ANO3: variants seen among roughly 807,000 people sequenced by gnomAD.
ANO3 encodes the protein anoctamin 3, also known as anoctamin-3.
A neutral mutation model predicts 144.8 loss-of-function variants in ANO3; 99 were observed. The ratio of observed to expected loss-of-function variants is 0.68; its 90% CI spans 0.58 to 0.81. ANO3 has a LOEUF of 0.81. Ranked by LOEUF, ANO3 falls within the 30% of genes least tolerant of loss-of-function variation. The probability of loss-of-function intolerance (pLI) is 0.00; values close to 1 mark genes in which losing one functional copy is unlikely to be tolerated. For synonymous variants in ANO3, 414 were observed against 392.6 expected, an observed-to-expected ratio of 1.05 and a Z score of -0.64; for missense variants, 905 against 1,202.2, an observed-to-expected ratio of 0.75 and a Z score of 3.66.
At chr11:26,448,616 A>AT (rs1174862763) in intron 3 of ANO3, among the ~76,000 whole-genome samples, 1 of 152,044 alleles carries the variant, frequency 6.6e-6, no homozygotes, top group Non-Finnish European at 1.5e-5. Flanking sequence ...AATTCCCATT[A>AT]TTTTTTCCTA....
chr11:26,433,530 T>A lies in ANO3; in HGVS notation c.47-8388T>A, dbSNP rs146773707. 3.3e-5 allele frequency among the ~76,000 whole-genome samples: 5 copies of A among 152,266 alleles called. No homozygotes were observed. In the East Asian group the frequency reaches 9.7e-4, roughly 29 times the overall value. On this transcript the variant is annotated intron_variant, in intron 1 of 26. Transcript: ENST00000256737. ...AATTCAGTATGGTGTTGGCTGTGGGTTTGTCATAGATGGCTCTTGTTATTT... is the reference window on the plus strand; with the variant it reads ...AATTCAGTATGGTGTTGGCTGTGGGATTGTCATAGATGGCTCTTGTTATTT...
At chr11:26,275,169 A>G (rs1266010845) in intron 1 of ANO3, among the ~76,000 whole-genome samples, 1 of 152,088 alleles carries the variant, frequency 6.6e-6, no homozygotes, top group Non-Finnish European at 1.5e-5. Flanking sequence ...GACCAGCGTT[A>G]TATTTAGAAG....
At chr11:26,260,145 C>G (rs895821221) in intron 1 of ANO3, among the ~76,000 whole-genome samples, 15 of 149,784 alleles carry the variant, frequency 1.0e-4, no homozygotes, top group African/African-American at 3.4e-4. Context: ...AGGGATAATT[C>G]TGGCACAGGC....
At chr11:26,313,229 T>C (rs1182122084) in intron 1 of ANO3, among the ~76,000 whole-genome samples, 1 of 152,232 alleles carries the variant, frequency 6.6e-6, no homozygotes, top group East Asian at 1.9e-4. Flanking sequence ...TTTATTCATT[T>C]ATTGCACCAT....
At chr11:26,406,818 C>G (rs984689134) in intron 1 of ANO3, among the ~76,000 whole-genome samples, 1 of 149,984 alleles carries the variant, frequency 6.7e-6, no homozygotes. Context: ...TCCTTCCTGT[C>G]AAGTTTGTGA....
chr11:26,647,826 C>T lies in ANO3; in HGVS notation c.2546C>T (p.Pro849Leu), dbSNP rs761513894. ...TTTGTTTATGAATACAAATATGGCC[C>T]CTGTGCAAATCATGTAGAACCAAGT... ...PRFVYEYKYG[P>L]CANHVEPSEN... The change falls in exon 24 of 27, where the codon CCC becomes CTC. Residue 849 changes from proline (P) to leucine (L), a missense_variant. Pro to Leu is a moderately conservative substitution (Grantham distance 98, BLOSUM62 -3). Transcript: ENST00000256737. 1.9e-6 allele frequency: 3 copies of T among 1,612,418 alleles called. No individual in the cohort carries two copies. The highest frequency in any genetic ancestry group is 2.5e-6 in the Non-Finnish European group (3 of 1,179,082).
At chr11:26,445,801 C>G (rs1233386720) in intron 3 of ANO3, among the ~76,000 whole-genome samples, 1 of 151,944 alleles carries the variant, frequency 6.6e-6, no homozygotes, top group Non-Finnish European at 1.5e-5. Context: ...AGATGCATAT[C>G]TATGAGTGTT....
At chr11:26,245,016 T>C (rs78482856) in intron 1 of ANO3, among the ~76,000 whole-genome samples, 1,138 of 105,064 alleles carry the variant, frequency 0.011, 21 homozygotes, top group African/African-American at 0.031. Context: ...TGTGTGTGTG[T>C]GTGTGCATGC....
chr11:26,517,060 G>A, intron 6 of ANO3, 133 bp downstream of exon 6: 1 of 473,696 alleles, frequency 2.1e-6, no homozygotes, highest in Non-Finnish European at 3.7e-6. Flanking sequence ...AGTTATTCTG[G>A]ACAGTTTTTT....
In ANO3 at chr11:26,407,805, C is replaced by T. The variant is rs79765760; in HGVS notation, c.47-34113C>T. On this transcript the variant is annotated intron_variant, in intron 1 of 26. Coordinates refer to ENST00000256737, the MANE Select transcript of ANO3 (RefSeq NM_031418.4). ...GCTGCTCCATGCTTTCCTCCATAGCCCCATCTTTGTCCCCTACCCCACTCC... is the reference window on the plus strand; with the variant it reads ...GCTGCTCCATGCTTTCCTCCATAGCTCCATCTTTGTCCCCTACCCCACTCC... Among the ~76,000 whole-genome samples the T allele has an allele frequency of 9.1e-3, 1,379 of 151,858 alleles. 30 individuals carry two copies. Among genetic ancestry groups the T allele is most frequent in the African/African-American group, 0.033 (1,348 of 41,474 alleles).
chr11:26,608,672 G>A (rs73434383), intron 17 of ANO3, among the ~76,000 whole-genome samples: 4,676 of 152,176 alleles, frequency 0.031, 70 homozygotes, highest in African/African-American at 0.042. Flanking sequence ...GAGAGGCCTC[G>A]CCCAGTGAGG....
intron 3 of ANO3, among the ~76,000 whole-genome samples, chr11:26,455,067 C>A (rs886618007): frequency 1.3e-5 from 2 of 151,878 alleles, no homozygotes; most frequent in African/African-American, 2.4e-5. Flanking sequence ...ATTGATGGGA[C>A]ATATCTCAAA....
intron 17 of ANO3, among the ~76,000 whole-genome samples, chr11:26,608,065 T>C (rs1851985686): frequency 6.6e-6 from 1 of 152,206 alleles, no homozygotes; most frequent in African/African-American, 2.4e-5. Context: ...CTCATCTTCG[T>C]TAGTTTGTCT....
At chr11:26,547,278 G>A (rs1425632537) in intron 11 of ANO3, 138 bp from the exon 12 acceptor site, 2 of 791,328 alleles carry the variant, frequency 2.5e-6, no homozygotes, top group African/African-American at 3.5e-5. Context: ...AGGAGTATTA[G>A]ATACTTTAGA....
rs563906622 is a variant in ANO3 at position 26,473,243 on chromosome 11, C to T, written c.432+10095C>T. Among the ~76,000 whole-genome samples, 42 of 152,096 alleles carry T rather than the reference C, an allele frequency of 2.8e-4. No homozygotes were observed. The East Asian group carries it at 5.0e-3, about 18-fold the overall frequency. ...TTCAGTGTCTTGTCAGTTCCAATTA[C>T]AAGCTGCCCTACAGAGGCATTTTTA... On this transcript the variant is annotated intron_variant, in intron 4 of 26. Transcript: ENST00000256737.
chr11:26,560,204 G>A (rs1254106297), intron 14 of ANO3: 1 of 158,144 alleles, frequency 6.3e-6, no homozygotes, highest in Non-Finnish European at 1.4e-5. Flanking sequence ...CATTATGATT[G>A]AGCAATAATG....
chr11:26,648,226 A>C (rs1853412213), intron 24 of ANO3, among the ~76,000 whole-genome samples: 1 of 152,136 alleles, frequency 6.6e-6, no homozygotes, highest in Non-Finnish European at 1.5e-5. Flanking sequence ...CTGGCTAATC[A>C]AACTGCTGAA....
intron 4 of ANO3, among the ~76,000 whole-genome samples, chr11:26,466,784 C>T (rs1033333701): frequency 6.6e-6 from 1 of 151,880 alleles, no homozygotes; most frequent in Non-Finnish European, 1.5e-5. Context: ...TGTCTCTCTG[C>T]AAGAGATAAT....
At chr11:26,561,069 A>G (rs778275681) in intron 14 of ANO3, 2 of 1,609,870 alleles carry the variant, frequency 1.2e-6, no homozygotes, top group Admixed American at 1.7e-5. Flanking sequence ...TTAGTTCTAT[A>G]CAGAAGTACG....
Sources: allele counts gnomAD v4.1 joint callset (sites outside exome capture counted in the v4.1 genomes callset), GRCh38; gene constraint gnomAD v4.1.1; transcripts MANE v1.5; gene names NCBI Gene and HGNC (gene_info 2026-07-23, HGNC 2026-07-21).